The following GALNT17 variants were observed in gnomAD, a reference collection of about 807,000 sequenced individuals.
GALNT17 encodes the protein polypeptide N-acetylgalactosaminyltransferase 17, also known as UDP-GalNAc:polypeptide N-acetylgalactosaminyltransferase-like 3.
GALNT17 carries 29 observed loss-of-function variants against 63.7 expected under a neutral mutation model. That is an observed-to-expected ratio of 0.46 (90% CI 0.34 to 0.62). The LOEUF (loss-of-function observed/expected upper bound fraction) is 0.62. Ranked by LOEUF, GALNT17 falls within the 20% of genes least tolerant of loss-of-function variation. The pLI, the probability that GALNT17 is intolerant of heterozygous loss-of-function variation, is 0.01. For synonymous variants in GALNT17, 305 were observed against 318.3 expected, an observed-to-expected ratio of 0.96 and a Z score of 0.45; for missense variants, 603 against 799.6, an observed-to-expected ratio of 0.75 and a Z score of 2.97.
rs530656760 is a variant in GALNT17, at chr7:71,413,543, A to T, written c.590-2346A>T. Among the ~76,000 whole-genome samples the T allele has an allele frequency of 2.5e-4, 37 of 148,624 alleles. 4 individuals carry two copies. The East Asian group carries it at 2.8e-3, about 11-fold the overall frequency. ...ACCATGCCCAGCTATTATTTTTTGTATTTTTTTTTTAGAAGAGACAGGGTT... is the reference window on the plus strand; with the variant it reads ...ACCATGCCCAGCTATTATTTTTTGTTTTTTTTTTTTAGAAGAGACAGGGTT... On this transcript the variant is annotated intron_variant, in intron 3 of 10. Transcript: ENST00000333538.
chr7:71,391,340 C>G (rs1407892109), intron 3 of GALNT17, among the ~76,000 whole-genome samples: 2 of 152,300 alleles, frequency 1.3e-5, no homozygotes, highest in East Asian at 3.9e-4. Context: ...AAGGTTAAGG[C>G]AATCTCAGCC....
chr7:71,603,159 A>G (rs900014710), intron 6 of GALNT17, among the ~76,000 whole-genome samples: 1 of 151,630 alleles, frequency 6.6e-6, no homozygotes, highest in African/African-American at 2.4e-5. Context: ...TGCATATACC[A>G]GGTACTATGT....
At chr7:71,445,008 C>T (rs1352440775) in intron 5 of GALNT17, among the ~76,000 whole-genome samples, 1 of 151,874 alleles carries the variant, frequency 6.6e-6, no homozygotes, top group African/African-American at 2.4e-5. Context: ...GGGAAAGTGA[C>T]AGGAGGGTTT....
At chr7:71,184,182 A>G (rs1223386510) in intron 1 of GALNT17, among the ~76,000 whole-genome samples, 1 of 152,220 alleles carries the variant, frequency 6.6e-6, no homozygotes, top group Admixed American at 6.5e-5. Flanking sequence ...CTGACCTCAA[A>G]AGAAATCAAC....
chr7:71,522,571 A>G (rs1222149509), intron 5 of GALNT17, among the ~76,000 whole-genome samples: 2 of 152,118 alleles, frequency 1.3e-5, no homozygotes, highest in African/African-American at 2.4e-5. Flanking sequence ...TGAGAACAGT[A>G]TGGGAAAGAC....
In GALNT17 at chr7:71,507,623, G is replaced by T. The variant is rs1226630103; in HGVS notation, c.963-63662G>T. Among the ~76,000 whole-genome samples, 3 of 152,156 alleles carry T rather than the reference G, an allele frequency of 2.0e-5. No homozygotes were observed. The East Asian group carries it at 5.8e-4, about 29-fold the overall frequency. The stretch of plus-strand genomic sequence containing the variant: ...ATTAAACCTGCCTGTGTCTATAGAC[G>T]CCACTGGGCCCTGAGCCAATGCGTT... On this transcript the variant is annotated intron_variant, in intron 5 of 10. Transcript: ENST00000333538.
intron 9 of GALNT17, among the ~76,000 whole-genome samples, chr7:71,696,930 A>G (rs1177634968): frequency 6.6e-6 from 1 of 152,230 alleles, no homozygotes; most frequent in Non-Finnish European, 1.5e-5. Flanking sequence ...TAGCAAAGAA[A>G]GACACATTTA....
chr7:71,198,189 CTCTG>C (rs918701159), intron 1 of GALNT17, among the ~76,000 whole-genome samples: 3 of 135,088 alleles, frequency 2.2e-5, no homozygotes, highest in African/African-American at 8.9e-5. Flanking sequence ...CCGAGCGAGA[CTCTG>C]TCTCAAAAAA....
chr7:71,192,091 A>C (rs1020323356), intron 1 of GALNT17, among the ~76,000 whole-genome samples: 5 of 152,208 alleles, frequency 3.3e-5, no homozygotes, highest in African/African-American at 1.2e-4. Flanking sequence ...CAAAAGCCGA[A>C]GAACTTGGAA....
At chr7:71,461,896 A>G (rs1159150177) in intron 5 of GALNT17, among the ~76,000 whole-genome samples, 2 of 151,930 alleles carry the variant, frequency 1.3e-5, no homozygotes, top group South Asian at 2.1e-4. Context: ...TTGCTGTGCA[A>G]CCCTCTGGGG....
intron 2 of GALNT17, among the ~76,000 whole-genome samples, chr7:71,358,011 C>T (rs1307287955): frequency 1.3e-5 from 2 of 152,178 alleles, no homozygotes; most frequent in African/African-American, 4.8e-5. Context: ...AAGCTGGCCA[C>T]CCCAGCCAGC....
intron 1 of GALNT17, among the ~76,000 whole-genome samples, chr7:71,319,017 A>G (rs2115989244): frequency 6.6e-6 from 1 of 152,216 alleles, no homozygotes; most frequent in Admixed American, 6.5e-5. Flanking sequence ...AAGTAGGCCC[A>G]GGGATCTAGG....
In GALNT17 at chr7:71,334,681, G is replaced by C. The variant is rs375130427; in HGVS notation, c.239-869G>C. Among the ~76,000 whole-genome samples the C allele has an allele frequency of 1.1e-4, 17 of 152,300 alleles. No individual in the cohort carries two copies. In the East Asian group the frequency reaches 2.1e-3, roughly 19 times the overall value. ...TGGGAGCTTGCAATTGCTCAGTGAG[G>C]CTTGTTACAGAGGCCTCCAAGTCTA... On this transcript the variant is annotated intron_variant, in intron 1 of 10. Coordinates refer to ENST00000333538, the MANE Select transcript of GALNT17 (RefSeq NM_022479.3).
intron 5 of GALNT17, among the ~76,000 whole-genome samples, chr7:71,479,786 G>A (rs946539119): frequency 1.3e-5 from 2 of 152,170 alleles, no homozygotes; most frequent in African/African-American, 4.8e-5. Flanking sequence ...CAAAGATGGA[G>A]CTGATATTCT....
intron 5 of GALNT17, among the ~76,000 whole-genome samples, chr7:71,479,861 C>T (rs1787785249): frequency 6.6e-6 from 1 of 152,178 alleles, no homozygotes; most frequent in South Asian, 2.1e-4. Flanking sequence ...AAAGCAAACA[C>T]CACAGTGGTG....
At chr7:71,671,481 G>C (rs2117057536) in intron 8 of GALNT17, among the ~76,000 whole-genome samples, 1 of 152,326 alleles carries the variant, frequency 6.6e-6, no homozygotes, top group African/African-American at 2.4e-5. Context: ...TCAGGGTGTA[G>C]AGTGGTGACC....
chr7:71,504,591 CA>C (rs11341956), intron 5 of GALNT17, among the ~76,000 whole-genome samples: 14,200 of 152,088 alleles, frequency 0.093, 1,042 homozygotes, highest in East Asian at 0.38. Context: ...AGTTTATTTA[CA>C]TTTTTTTACC....
At chr7:71,672,679 G>A (rs1791087723) in intron 8 of GALNT17, among the ~76,000 whole-genome samples, 2 of 152,090 alleles carry the variant, frequency 1.3e-5, no homozygotes, top group South Asian at 2.1e-4. Context: ...AGCCTCCCGA[G>A]TAGCTGGGAT....
At chr7:71,677,053 A>G (rs1791161232) in intron 8 of GALNT17, among the ~76,000 whole-genome samples, 158 bp from the exon 9 acceptor site, 1 of 152,144 alleles carries the variant, frequency 6.6e-6, no homozygotes, top group Admixed American at 6.6e-5. Flanking sequence ...TTTCTTGTTA[A>G]GGTGATCACC....
Sources: allele counts gnomAD v4.1 joint callset (sites outside exome capture counted in the v4.1 genomes callset), GRCh38; gene constraint gnomAD v4.1.1; transcripts MANE v1.5; gene names NCBI Gene and HGNC (gene_info 2026-07-23, HGNC 2026-07-21).